The following PREX1 variants were observed in gnomAD, a reference collection of about 807,000 sequenced individuals.
PREX1 encodes phosphatidylinositol-3,4,5-trisphosphate dependent Rac exchange factor 1, also known as phosphatidylinositol 3,4,5-trisphosphate-dependent Rac exchanger 1 protein.
In PREX1, 41 loss-of-function variants were observed where a neutral mutation model predicts 198.3. The ratio of observed to expected loss-of-function variants is 0.21; its 90% CI spans 0.16 to 0.27. The LOEUF (loss-of-function observed/expected upper bound fraction) is 0.27. PREX1 is among the 10% of genes least tolerant of loss of function. The probability of loss-of-function intolerance (pLI) is 1.00; values close to 1 mark genes in which losing one functional copy is unlikely to be tolerated. For missense variants in PREX1, 1,620 were observed against 2,200.7 expected (o/e 0.74, Z 5.28); for synonymous variants, 843 against 887.2 (o/e 0.95, Z 0.89).
chr20:48,780,975 G>A (rs2090287169), intron 1 of PREX1, among the ~76,000 whole-genome samples: 1 of 152,112 alleles, frequency 6.6e-6, no homozygotes, highest in Non-Finnish European at 1.5e-5. Context: ...GGGGCACATC[G>A]CTCCTGGGGT....
chr20:48,862,790 AATATATATAT>A, the PREX1 span, among the ~76,000 whole-genome samples: 1 of 102,542 alleles, frequency 9.8e-6, no homozygotes, highest in Admixed American at 1.0e-4. Flanking sequence ...TAAAAAAAAA[AATATATATAT>A]ATATATATAT....
At chr20:48,775,151 G>A (rs1043585719) in intron 1 of PREX1, among the ~76,000 whole-genome samples, 6 of 152,156 alleles carry the variant, frequency 3.9e-5, no homozygotes, top group Non-Finnish European at 5.9e-5. Flanking sequence ...CATGTAGCAC[G>A]TCCAGAAGGA....
At chr20:48,740,878 C>T (rs940459679) in intron 3 of PREX1, among the ~76,000 whole-genome samples, 10 of 152,196 alleles carry the variant, frequency 6.6e-5, no homozygotes, top group South Asian at 2.1e-4. Context: ...AGATAGAATG[C>T]GGTAATACCG....
At chr20:48,630,155 CA>C (rs953522189) in intron 36 of PREX1, among the ~76,000 whole-genome samples, 4 of 152,218 alleles carry the variant, frequency 2.6e-5, no homozygotes, top group Non-Finnish European at 5.9e-5. Flanking sequence ...CCAAAATCAT[CA>C]GCACATTCAA....
intron 1 of PREX1, among the ~76,000 whole-genome samples, chr20:48,814,413 G>T (rs1444906563): frequency 6.6e-6 from 1 of 152,198 alleles, no homozygotes; most frequent in African/African-American, 2.4e-5. Flanking sequence ...GGACTAGAAG[G>T]CTCTCTGAGG....
In PREX1 at chr20:48,635,004, T is replaced by C. The variant is rs1426758328; in HGVS notation, c.4168-229A>G. Among the ~76,000 whole-genome samples, 3 of 152,146 alleles carry C rather than the reference T, an allele frequency of 2.0e-5. No individual in the cohort carries two copies. In the East Asian group the frequency reaches 5.8e-4, roughly 29 times the overall value. ...ATCTCTGCCTTAATTCACTGAGTGATCCTAGTAAAGTCACTGCCTCTCTTG... is the reference window on the plus strand; with the variant it reads ...ATCTCTGCCTTAATTCACTGAGTGACCCTAGTAAAGTCACTGCCTCTCTTG... On this transcript the variant is annotated intron_variant, in intron 32 of 39. Coordinates refer to ENST00000371941, the MANE Select transcript of PREX1 (RefSeq NM_020820.4).
chr20:48,639,749 C>A lies in PREX1; in HGVS notation c.3904+17G>T, dbSNP rs2089393769. ...TGGCCCCCTCCCCACCATGATGCAC[C>A]CTCCCTGCCCACCGACCTTCCACAT... On this transcript the variant is annotated intron_variant, in intron 30 of 39. Coordinates refer to ENST00000371941, the MANE Select transcript of PREX1 (RefSeq NM_020820.4). 3 of 1,612,616 alleles carry A rather than the reference C, an allele frequency of 1.9e-6. No homozygotes were observed. The highest frequency in any genetic ancestry group is 2.5e-6 in the Non-Finnish European group (3 of 1,179,236).
At chr20:48,818,742 GTTT>G (rs1047288588) in intron 1 of PREX1, among the ~76,000 whole-genome samples, 1 of 152,254 alleles carries the variant, frequency 6.6e-6, no homozygotes, top group Non-Finnish European at 1.5e-5. Context: ...CCGCCAAACA[GTTT>G]TTAATTATGC....
intron 32 of PREX1, among the ~76,000 whole-genome samples, chr20:48,635,407 A>C (rs1375560475): frequency 1.3e-5 from 2 of 152,066 alleles, no homozygotes; most frequent in Non-Finnish European, 2.9e-5. Flanking sequence ...CTTAACCCAA[A>C]TTATATCACT....
At chr20:48,857,712 G>A in the PREX1 span, among the ~76,000 whole-genome samples, 1 of 152,214 alleles carries the variant, frequency 6.6e-6, no homozygotes, top group Non-Finnish European at 1.5e-5. Context: ...GGTTGAGGTT[G>A]CAGTGAGCTG....
the PREX1 span, among the ~76,000 whole-genome samples, chr20:48,867,732 T>C: frequency 1.3e-5 from 2 of 151,476 alleles, no homozygotes; most frequent in Non-Finnish European, 1.5e-5. Context: ...GAGGTGGAGG[T>C]TGCAGTGAGC....
upstream of PREX1, among the ~76,000 whole-genome samples, chr20:48,828,194 G>A (rs1312095479): frequency 6.6e-6 from 1 of 151,074 alleles, no homozygotes; most frequent in Non-Finnish European, 1.5e-5. Flanking sequence ...GCGGCGCGGC[G>A]CTCGGCGCCT....
chr20:48,801,641 C>T (rs962112365), intron 1 of PREX1, among the ~76,000 whole-genome samples: 11 of 152,218 alleles, frequency 7.2e-5, no homozygotes, highest in South Asian at 4.1e-4. Context: ...CGTCTCTCCC[C>T]GGGGCTGTTG....
intron 1 of PREX1, among the ~76,000 whole-genome samples, chr20:48,750,717 C>A (rs981915994): frequency 6.6e-6 from 1 of 152,130 alleles, no homozygotes; most frequent in Non-Finnish European, 1.5e-5. Context: ...TCCCATCTTG[C>A]GTTAGGAGCT....
chr20:48,811,546 G>A (rs78371236), intron 1 of PREX1, among the ~76,000 whole-genome samples: 21,794 of 146,500 alleles, frequency 0.15, 1,606 homozygotes, highest in Middle Eastern at 0.22. Context: ...ACACACGTGT[G>A]CATGCAAACT....
intron 1 of PREX1, among the ~76,000 whole-genome samples, chr20:48,779,756 T>G (rs542577965): frequency 2.0e-5 from 3 of 152,284 alleles, no homozygotes; most frequent in African/African-American, 7.2e-5. Flanking sequence ...CAAAAGGTGG[T>G]GTACAGCATG....
At chr20:48,646,517 C>A (rs1035433666) in intron 25 of PREX1, among the ~76,000 whole-genome samples, 1 of 152,044 alleles carries the variant, frequency 6.6e-6, no homozygotes, top group Non-Finnish European at 1.5e-5. Context: ...CATGGCGAAA[C>A]CCTGTCTCTA....
chr20:48,821,461 C>A (rs930541399), intron 1 of PREX1, among the ~76,000 whole-genome samples: 1 of 152,206 alleles, frequency 6.6e-6, no homozygotes, highest in African/African-American at 2.4e-5. Flanking sequence ...CCGACCTGGC[C>A]CCATGTCTGG....
intron 14 of PREX1, among the ~76,000 whole-genome samples, chr20:48,667,780 C>T (rs1278730257): frequency 6.6e-6 from 1 of 152,194 alleles, no homozygotes; most frequent in Non-Finnish European, 1.5e-5. Context: ...GCCAACTCTC[C>T]CAGGTGGGAT....
Sources: allele counts gnomAD v4.1 joint callset (sites outside exome capture counted in the v4.1 genomes callset), GRCh38; gene constraint gnomAD v4.1.1; transcripts MANE v1.5; gene names NCBI Gene and HGNC (gene_info 2026-07-23, HGNC 2026-07-21).